VWC2: variants seen among roughly 807,000 people sequenced by gnomAD.
VWC2 encodes the protein brorin.
Under a neutral mutation model 29.8 loss-of-function variants are expected in VWC2, and 14 were observed. The observed-to-expected ratio is 0.47, with a 90% CI of 0.31 to 0.74. The LOEUF is 0.74. VWC2 is among the 30% of genes least tolerant of loss of function. The pLI is 0.05. For synonymous variants in VWC2, 213 were observed against 199.0 expected, an observed-to-expected ratio of 1.07 and a Z score of -0.59; for missense variants, 457 against 459.8, an observed-to-expected ratio of 0.99 and a Z score of 0.05.
chr7:49,889,924 A>G (rs1583763131), intron 3 of VWC2, among the ~76,000 whole-genome samples: 1 of 152,188 alleles, frequency 6.6e-6, no homozygotes, highest in Non-Finnish European at 1.5e-5. Flanking sequence ...AGACAAATAT[A>G]TGTTTTGCAA....
intron 3 of VWC2, among the ~76,000 whole-genome samples, chr7:49,827,722 GTTTAT>G (rs1238502944): frequency 2.0e-5 from 3 of 151,996 alleles, no homozygotes; most frequent in African/African-American, 7.2e-5. Flanking sequence ...ATAATGGCCT[GTTTAT>G]TTCATGTCTC....
rs1203753493 is a variant in VWC2, at chr7:49,914,202, C to G, written c.*2017C>G. 1 of 152,242 alleles carries G rather than the reference C, an allele frequency of 6.6e-6. No homozygotes were observed. Among genetic ancestry groups the G allele is most frequent in the Non-Finnish European group, 1.5e-5 (1 of 68,052 alleles). The allele number at this position is 152,242 out of a possible 1,614,324, so 9.4% of individuals were successfully genotyped here. A position where few individuals can be genotyped will look rare whatever the true frequency, so the allele number is the denominator to read the frequency against. On this transcript the variant is annotated 3_prime_UTR_variant, in exon 4 of 4. Coordinates refer to ENST00000340652, the MANE Select transcript of VWC2 (RefSeq NM_198570.5). ...AGTAACCTCTTCTCTCTCCATCAGGCATGATGCAGTTAGAGACTCAGTCCA... is the reference window on the plus strand; with the variant it reads ...AGTAACCTCTTCTCTCTCCATCAGGGATGATGCAGTTAGAGACTCAGTCCA...
At position 49,913,682 on chromosome 7, in the gene VWC2, T is replaced by A. The variant is rs536258151; in HGVS notation, c.*1497T>A. The A allele has an allele frequency of 6.6e-6, 1 of 152,180 alleles. No individual in the cohort carries two copies. Among genetic ancestry groups the A allele is most frequent in the African/African-American group, 2.4e-5 (1 of 41,452 alleles). The allele number at this position is 152,180 out of a possible 1,614,324, so 9.4% of individuals were successfully genotyped here. On this transcript the variant is annotated 3_prime_UTR_variant, in exon 4 of 4. Transcript: ENST00000340652. ...GCATAAGAAGTATATGAAATCATAA[T>A]GTATTGTATTAGGAGCCAAACTAGA... is the stretch of plus-strand genomic sequence containing the variant.
intron 2 of VWC2, among the ~76,000 whole-genome samples, chr7:49,785,960 G>A (rs1346320378): frequency 6.6e-6 from 1 of 152,204 alleles, no homozygotes; most frequent in East Asian, 1.9e-4. Flanking sequence ...TTACTAAGCT[G>A]TACACCAGTG....
chr7:49,817,483 C>T (rs1303007780), intron 3 of VWC2, among the ~76,000 whole-genome samples: 2 of 152,164 alleles, frequency 1.3e-5, no homozygotes, highest in East Asian at 1.9e-4. Context: ...AATCTGTCTC[C>T]GTCTCCAGGA....
At chr7:49,826,522 CAG>C (rs1175143153) in intron 3 of VWC2, among the ~76,000 whole-genome samples, 13 of 152,120 alleles carry the variant, frequency 8.5e-5, no homozygotes, top group African/African-American at 2.9e-4. Flanking sequence ...ATGAACAAGC[CAG>C]AGTCTTTAGA....
chr7:49,875,383 A>AAAAC (rs1409080599), intron 3 of VWC2, among the ~76,000 whole-genome samples: 1 of 149,542 alleles, frequency 6.7e-6, no homozygotes, highest in East Asian at 1.9e-4. Context: ...AAAAAAAAAA[A>AAAAC]AAAAAAAAAA....
At chr7:49,869,948 T>C (rs1000301108) in intron 3 of VWC2, among the ~76,000 whole-genome samples, 2 of 152,174 alleles carry the variant, frequency 1.3e-5, no homozygotes, top group African/African-American at 4.8e-5. Flanking sequence ...GAAGATGTGG[T>C]TGTCTCAAAA....
At chr7:49,786,446 G>A (rs772584973) in intron 2 of VWC2, among the ~76,000 whole-genome samples, 25 of 152,152 alleles carry the variant, frequency 1.6e-4, no homozygotes, top group Non-Finnish European at 3.4e-4. Context: ...AATGAACATA[G>A]GAGTGCATGT....
intron 2 of VWC2, 132 bp from the exon 3 acceptor site, chr7:49,802,579 G>T: frequency 8.2e-7 from 1 of 1,225,652 alleles, no homozygotes; most frequent in Non-Finnish European, 1.1e-6. Context: ...CAGAGGTTGC[G>T]GTGAGCCGAG....
intron 3 of VWC2, among the ~76,000 whole-genome samples, chr7:49,830,847 C>A (rs951399155): frequency 1.3e-5 from 2 of 152,188 alleles, no homozygotes; most frequent in Admixed American, 6.5e-5. Context: ...AGGACATGAA[C>A]TCATCCTTTT....
At chr7:49,868,235 T>G (rs950446871) in intron 3 of VWC2, among the ~76,000 whole-genome samples, 1 of 152,232 alleles carries the variant, frequency 6.6e-6, no homozygotes, top group Admixed American at 6.5e-5. Context: ...TAGATGCTGT[T>G]TCCTAAGAAC....
At chr7:49,884,505 ATC>A (rs1791811563) in intron 3 of VWC2, among the ~76,000 whole-genome samples, 1 of 152,212 alleles carries the variant, frequency 6.6e-6, no homozygotes, top group South Asian at 2.1e-4. Flanking sequence ...GGGGTGTGGC[ATC>A]TCATTCTCTG....
chr7:49,914,826 G>A lies in VWC2; in HGVS notation c.*2641G>A, dbSNP rs185116841. 6.5e-4 allele frequency: 99 copies of A among 152,242 alleles called. No individual in the cohort carries two copies. Among genetic ancestry groups the A allele is most frequent in the African/African-American group, 2.4e-3 (98 of 41,550 alleles). 9.4% of individuals were successfully genotyped at this position (152,242 alleles called of 1,614,324 possible). A position where few individuals can be genotyped will look rare whatever the true frequency, so the allele number is the denominator to read the frequency against. On this transcript the variant is annotated 3_prime_UTR_variant, in exon 4 of 4. Transcript: ENST00000340652. Reference sequence around the variant, plus strand: ...AGTTACTCAATTTCAAAATAATATGGTTTGGAGATAGCACAGAAAAGGGGG... The same window carrying A: ...AGTTACTCAATTTCAAAATAATATGATTTGGAGATAGCACAGAAAAGGGGG...
Position 49,913,090 on chromosome 7 carries a change from T to C in VWC2, c.*905T>C, listed in dbSNP as rs1793541418. The C allele has an allele frequency of 6.6e-6, 1 of 152,190 alleles. No homozygotes were observed. 9.4% of individuals were successfully genotyped at this position (152,190 alleles called of 1,614,324 possible). ...AGTTTATATACCTGAAATCTAAATG[T>C]GCTACAGATAACTCAGCTGTCAGTT... On this transcript the variant is annotated 3_prime_UTR_variant, in exon 4 of 4. Transcript: ENST00000340652.
At chr7:49,861,456 T>C (rs1254367428) in intron 3 of VWC2, among the ~76,000 whole-genome samples, 2 of 152,220 alleles carry the variant, frequency 1.3e-5, no homozygotes, top group South Asian at 2.1e-4. Flanking sequence ...TTCACTGTCT[T>C]GATAAAATAT....
chr7:49,776,233 T>G, intron 2 of VWC2, 102 bp downstream of exon 2: 1 of 1,049,724 alleles, frequency 9.5e-7, no homozygotes, highest in Non-Finnish European at 1.3e-6. Flanking sequence ...TGCTCTCTGG[T>G]TCTGAGAGGT....
chr7:49,775,891 C>T lies in VWC2; in HGVS notation c.456C>T (p.Gly152=), dbSNP rs1271519544. 1 of 1,558,514 alleles carries T rather than the reference C, an allele frequency of 6.4e-7. No individual in the cohort carries two copies. Among genetic ancestry groups the T allele is most frequent in the Admixed American group, 1.9e-5 (1 of 52,186 alleles). ...PEEYVYPDYR[G]KGCVDESGFV... ...AGTACGTGTACCCGGACTACCGTGG[C>T]AAGGGCTGCGTGGACGAGAGCGGCT... is the stretch of plus-strand genomic sequence containing the variant. The change falls in exon 2 of 4, where the codon GGC becomes GGT. Residue 152 remains glycine, a synonymous_variant. Transcript: ENST00000340652.
rs370679624 is a variant in VWC2 at position 49,905,996 on chromosome 7, G to C, written c.827-6038G>C. Among the ~76,000 whole-genome samples, 233 of 151,952 alleles carry C rather than the reference G, an allele frequency of 1.5e-3. 3 individuals carry two copies. Among genetic ancestry groups the C allele is most frequent in the African/African-American group, 5.4e-3 (223 of 41,442 alleles). On this transcript the variant is annotated intron_variant, in intron 3 of 3. Transcript: ENST00000340652. ...AAAGGGGAGGAACCCTCAGTTCTGT[G>C]AATTGCCCACCCTTTCCCAGAAAAC...
Sources: gnomAD v4.1 joint callset for allele counts (sites outside exome capture counted in the v4.1 genomes callset) on GRCh38, gnomAD v4.1.1 for gene constraint, MANE v1.5 for transcripts, NCBI Gene and HGNC (gene_info 2026-07-23, HGNC 2026-07-21) for gene names.